Variants in EGF observed in about 807,000 individuals in gnomAD.
EGF encodes pro-epidermal growth factor.
In EGF, 95 loss-of-function variants were observed where a neutral mutation model predicts 143.8. The observed-to-expected ratio is 0.66, with a 90% CI of 0.56 to 0.78. The LOEUF (loss-of-function observed/expected upper bound fraction) is 0.78, where lower values mean the gene tolerates loss of function less well. Among genes scored for constraint, EGF ranks in the 30% least tolerant of loss-of-function variants. The pLI is 0.00. For synonymous variants in EGF, 510 were observed against 510.5 expected (o/e 1.00, Z 0.01); for missense variants, 1,320 against 1,470.9 (o/e 0.90, Z 1.68).
At chr4:109,975,898 A>C in intron 12 of EGF, 114 bp from the exon 13 acceptor site, 3 of 1,168,136 alleles carry the variant, frequency 2.6e-6, no homozygotes, top group Non-Finnish European at 2.6e-6. Context: ...TGTATTCCTT[A>C]GTGTACCACT....
chr4:109,993,003 G>A (rs1048075007), intron 18 of EGF, among the ~76,000 whole-genome samples: 5 of 150,284 alleles, frequency 3.3e-5, no homozygotes, highest in Non-Finnish European at 7.4e-5. Flanking sequence ...AATAAATGAC[G>A]AGTTAATGGG....
intron 11 of EGF, among the ~76,000 whole-genome samples, chr4:109,969,545 A>G (rs1198564083): frequency 6.6e-6 from 1 of 152,108 alleles, no homozygotes; most frequent in Non-Finnish European, 1.5e-5. Flanking sequence ...TGGCACATGT[A>G]TATCTATGTA....
At chr4:109,976,387 G>A in intron 13 of EGF, 152 bp downstream of exon 13, 3 of 748,712 alleles carry the variant, frequency 4.0e-6, no homozygotes, top group Non-Finnish European at 7.1e-6. Flanking sequence ...GAGCTGCAAA[G>A]CTTACCTTAA....
In EGF at chr4:109,999,800, C is replaced by T. The variant is rs11569098; in HGVS notation, c.3127C>T (p.Leu1043Phe). The T allele has an allele frequency of 1.6e-3, 2,518 of 1,613,918 alleles. 37 individuals are homozygous for T. In the African/African-American group the frequency reaches 0.03, roughly 19 times the overall value. ...VIVVAVCVVV[L>F]VMLLLLSLWG... The stretch of plus-strand genomic sequence containing the variant: ...CGTGGTGGCTGTCTGCGTGGTGGTG[C>T]TTGTCATGCTGCTCCTCCTGAGCCT... The change falls in exon 21 of 24, where the codon CTT becomes TTT. Residue 1043 changes from leucine (L) to phenylalanine (F), a missense_variant. By Grantham distance (22) the Leu-to-Phe change is conservative (BLOSUM62 0). Around this residue, in one of 5 missense-constraint regions of EGF, gnomAD observed 1,186 missense variants for 1,313.7 expected, o/e 0.90. Transcript: ENST00000265171.
chr4:109,913,261 C>A lies in EGF; in HGVS notation c.-75C>A. 6.3e-7 allele frequency: 1 copy of A among 1,597,342 alleles called. No individual in the cohort carries two copies. The highest frequency in any genetic ancestry group is 1.7e-5 in the Admixed American group (1 of 59,688). ...TCAGGCAGCCGCATCTGGGGTCAAT[C>A]ATACTCACCTTGCCCGGGCCATGCT... On this transcript the variant is annotated 5_prime_UTR_variant, in exon 1 of 24. Coordinates refer to ENST00000265171, the MANE Select transcript of EGF (RefSeq NM_001963.6).
At chr4:109,923,247 AG>A (rs1273390302) in intron 1 of EGF, among the ~76,000 whole-genome samples, 1 of 151,648 alleles carries the variant, frequency 6.6e-6, no homozygotes, top group Non-Finnish European at 1.5e-5. Context: ...TGACCAGTGT[AG>A]GATTAATGAG....
chr4:109,980,224 G>A, intron 14 of EGF, 85 bp downstream of exon 14: 2 of 1,401,748 alleles, frequency 1.4e-6, no homozygotes, highest in South Asian at 3.0e-5. Context: ...GTTGGCGGGG[G>A]GGTGGAGGGG....
chr4:109,929,909 G>T (rs1179612118), intron 1 of EGF, among the ~76,000 whole-genome samples: 2 of 152,170 alleles, frequency 1.3e-5, no homozygotes, highest in Admixed American at 6.5e-5. Flanking sequence ...ATTCCATCTT[G>T]AATTGTAATC....
At chr4:109,979,883 A>G (rs939414714) in intron 13 of EGF, 89 bp from the exon 14 acceptor site, 1 of 1,482,264 alleles carries the variant, frequency 6.7e-7, no homozygotes, top group African/African-American at 1.4e-5. Flanking sequence ...TAGTGTAGGA[A>G]TGTTGTGTAA....
chr4:109,994,951 A>C, intron 20 of EGF, 71 bp downstream of exon 20: 3 of 1,599,312 alleles, frequency 1.9e-6, no homozygotes, highest in Non-Finnish European at 2.6e-6. Context: ...TAATTTGTAA[A>C]ATTTACACTC....
chr4:109,930,241 T>C (rs1739451168), intron 1 of EGF, among the ~76,000 whole-genome samples: 1 of 152,224 alleles, frequency 6.6e-6, no homozygotes, highest in Non-Finnish European at 1.5e-5. Flanking sequence ...TACAGTGCTC[T>C]TTTAAGTACC....
intron 13 of EGF, among the ~76,000 whole-genome samples, chr4:109,976,789 T>C (rs971635282): frequency 6.6e-6 from 1 of 152,220 alleles, no homozygotes; most frequent in Non-Finnish European, 1.5e-5. Flanking sequence ...AAAGACAGTA[T>C]TTAAACTGGG....
chr4:109,961,645 C>G (rs1263275710), intron 7 of EGF, among the ~76,000 whole-genome samples: 1 of 151,860 alleles, frequency 6.6e-6, no homozygotes, highest in Non-Finnish European at 1.5e-5. Flanking sequence ...ACTATAATTC[C>G]TTCCTATCAT....
At chr4:109,922,877 G>A (rs1019296421) in intron 1 of EGF, among the ~76,000 whole-genome samples, 3 of 151,564 alleles carry the variant, frequency 2.0e-5, no homozygotes, top group East Asian at 3.9e-4. Flanking sequence ...TGAGTTATCA[G>A]CAAATATTGG....
At chr4:109,995,216 CT>C (rs888410376) in intron 20 of EGF, among the ~76,000 whole-genome samples, 5 of 151,596 alleles carry the variant, frequency 3.3e-5, no homozygotes, top group East Asian at 1.9e-4. Flanking sequence ...TTCCTTAAAA[CT>C]TTTTTTTTCC....
At chr4:110,006,066 C>A (rs910249865) in intron 22 of EGF, among the ~76,000 whole-genome samples, 1 of 151,948 alleles carries the variant, frequency 6.6e-6, no homozygotes, top group East Asian at 1.9e-4. Context: ...AGAGGCTGGG[C>A]AAGTTTGCTC....
Position 109,963,187 on chromosome 4 carries a change from G to A in EGF, c.1327G>A (p.Asp443Asn), listed in dbSNP as rs749171336. ...GKTCSGCSSP[D>N]NGGCSQLCVP... Reference sequence around the variant, plus strand: ...TGTTTTTGTAGGTTGTTCCTCACCCGATAATGGTGGATGTAGCCAGCTCTG... The same window carrying A: ...TGTTTTTGTAGGTTGTTCCTCACCCAATAATGGTGGATGTAGCCAGCTCTG... The change falls in exon 9 of 24, where the codon GAT (aspartate) becomes AAT (asparagine). Residue 443 changes from aspartate (D) to asparagine (N), a missense_variant. By Grantham distance (23) the Asp-to-Asn change is conservative. Coordinates refer to ENST00000265171, the MANE Select transcript of EGF (RefSeq NM_001963.6). 30 of 1,613,762 alleles carry A rather than the reference G, an allele frequency of 1.9e-5. No individual in the cohort carries two copies. The East Asian group carries it at 3.3e-4, about 18-fold the overall frequency.
intron 1 of EGF, among the ~76,000 whole-genome samples, chr4:109,937,683 CG>C (rs1469890974): frequency 1.4e-4 from 21 of 152,092 alleles, no homozygotes; most frequent in Non-Finnish European, 2.5e-4. Flanking sequence ...GTGCTTCTTT[CG>C]GGAGCTCTTG....
At position 110,011,923 on chromosome 4, in the gene EGF, T is replaced by C. The variant is rs1754033486; in HGVS notation, c.*468T>C. 2 of 169,044 alleles carry C rather than the reference T, an allele frequency of 1.2e-5. No individual in the cohort carries two copies. Among genetic ancestry groups the C allele is most frequent in the Non-Finnish European group, 2.6e-5 (2 of 77,780 alleles). 10.5% of individuals were successfully genotyped at this position (169,044 alleles called of 1,614,324 possible). Reference sequence around the variant, plus strand: ...TACCGTTAAGATACAGTGTAGGCATTTAACTCCTCATTGGCGTGGTCCATG... The same window carrying C: ...TACCGTTAAGATACAGTGTAGGCATCTAACTCCTCATTGGCGTGGTCCATG... On this transcript the variant is annotated 3_prime_UTR_variant, in exon 24 of 24. Transcript: ENST00000265171.
Sources: allele counts gnomAD v4.1 joint callset (sites outside exome capture counted in the v4.1 genomes callset), GRCh38; gene constraint gnomAD v4.1.1; regional missense constraint gnomAD v4.1.1; transcripts MANE v1.5; gene names NCBI Gene and HGNC (gene_info 2026-07-23, HGNC 2026-07-21).